Variants in ARID5B observed in about 807,000 individuals in gnomAD.
ARID5B encodes the protein AT-rich interaction domain 5B.
A neutral mutation model predicts 97.2 loss-of-function variants in ARID5B; 13 were observed. That is an observed-to-expected ratio of 0.13 (90% CI 0.09 to 0.21). The LOEUF is 0.21. ARID5B is among the 10% of genes least tolerant of loss of function. The pLI is 1.00. For missense variants in ARID5B, 1,210 were observed against 1,465.3 expected (o/e 0.83, Z 2.84); for synonymous variants, 556 against 570.3 (o/e 0.97, Z 0.36).
At chr10:61,940,547 G>A in intron 3 of ARID5B, 139 bp downstream of exon 3, 4 of 764,194 alleles carry the variant, frequency 5.2e-6, no homozygotes, top group Non-Finnish European at 4.1e-6. Context: ...CTAAGAATAT[G>A]GATGGAGAGA....
intron 3 of ARID5B, among the ~76,000 whole-genome samples, chr10:61,975,788 T>C (rs530453846): frequency 4.3e-4 from 65 of 152,242 alleles, no homozygotes; most frequent in Non-Finnish European, 7.8e-4. Flanking sequence ...TTCTGAGCAA[T>C]AGTCTTATTC....
At chr10:61,991,845 C>A (rs1838929690) in intron 3 of ARID5B, among the ~76,000 whole-genome samples, 1 of 152,012 alleles carries the variant, frequency 6.6e-6, no homozygotes, top group African/African-American at 2.4e-5. Flanking sequence ...GCTTAAATAC[C>A]ATGGAGAAAC....
chr10:61,931,134 T>C (rs1294422662), intron 2 of ARID5B, among the ~76,000 whole-genome samples: 5 of 152,180 alleles, frequency 3.3e-5, no homozygotes, highest in African/African-American at 1.2e-4. Flanking sequence ...AGTGACATAA[T>C]ACCATGGCTC....
chr10:62,087,926 G>T (rs1248326637), intron 9 of ARID5B, among the ~76,000 whole-genome samples: 1 of 151,052 alleles, frequency 6.6e-6, no homozygotes, highest in Non-Finnish European at 1.5e-5. Flanking sequence ...GTGCAGTGGT[G>T]CAATCTCGGT....
Position 62,041,849 on chromosome 10 carries a change from A to G in ARID5B, c.734-9039A>G, listed in dbSNP as rs373609851. 5.8e-4 allele frequency among the ~76,000 whole-genome samples: 88 copies of G among 152,330 alleles called. No homozygotes were observed. The South Asian group carries it at 9.9e-3, about 17-fold the overall frequency. The stretch of plus-strand genomic sequence containing the variant: ...AAATGAGTTTAAAAACTGTTCTGAT[A>G]TTTACTGCTCTTACAAGGCTATTCA... On this transcript the variant is annotated intron_variant, in intron 4 of 9. Coordinates refer to ENST00000279873, the MANE Select transcript of ARID5B (RefSeq NM_032199.3).
At chr10:61,938,968 T>A (rs1844353048) in intron 2 of ARID5B, among the ~76,000 whole-genome samples, 1 of 114,438 alleles carries the variant, frequency 8.7e-6, no homozygotes, top group Non-Finnish European at 1.8e-5. Flanking sequence ...TGGAGAAGTG[T>A]GTGTGTGTGT....
chr10:62,049,654 C>T (rs1009386246), intron 4 of ARID5B, among the ~76,000 whole-genome samples: 2 of 152,074 alleles, frequency 1.3e-5, no homozygotes, highest in Non-Finnish European at 2.9e-5. Flanking sequence ...TAAACTTTTG[C>T]CTCTCTGATT....
rs752180809 is a variant in ARID5B, at chr10:61,945,090, T to C, written c.502+4682T>C. Among the ~76,000 whole-genome samples, 39 of 152,288 alleles carry C rather than the reference T, an allele frequency of 2.6e-4. No individual in the cohort carries two copies. In the Middle Eastern group the frequency reaches 0.01, roughly 40 times the overall value. ...GGGGTTAAAAGAGCAGAGGGTGGGC[T>C]GTCAGGAGAATCTTGGCTCTACATG... On this transcript the variant is annotated intron_variant, in intron 3 of 9. Coordinates refer to ENST00000279873, the MANE Select transcript of ARID5B (RefSeq NM_032199.3).
chr10:62,056,812 A>G lies in ARID5B; in HGVS notation c.847-305A>G, dbSNP rs11816220. On this transcript the variant is annotated intron_variant, in intron 5 of 9. Transcript: ENST00000279873. ...AATAAAGTTTTATTGGAACACAGCC[A>G]CACCCATTTGTTAACATATTGCTGA... is the stretch of plus-strand genomic sequence containing the variant. Among the ~76,000 whole-genome samples the G allele has an allele frequency of 8.2e-3, 1,247 of 152,306 alleles. 13 individuals carry two copies. The highest frequency in any genetic ancestry group is 0.037 in the Middle Eastern group (11 of 294).
Position 62,092,895 on chromosome 10 carries a change from G to A in ARID5B, c.3432G>A (p.Leu1144=). 3 of 1,614,150 alleles carry A rather than the reference G, an allele frequency of 1.9e-6. No individual in the cohort carries two copies. The highest frequency in any genetic ancestry group is 1.6e-4 in the Middle Eastern group (1 of 6,062). Reference sequence around the variant, plus strand: ...ATTCTCAGCAGCTGTACAGACACTTGGCTGCGGCTACACCTGTAGGAAGTT... The same window carrying A: ...ATTCTCAGCAGCTGTACAGACACTTAGCTGCGGCTACACCTGTAGGAAGTT... ...PTNSQQLYRH[L]AAATPVGSSY... Residue 1144 remains leucine (L), a synonymous_variant, in exon 10 of 10, where the codon TTG becomes TTA. Transcript: ENST00000279873.
intron 3 of ARID5B, among the ~76,000 whole-genome samples, chr10:61,950,297 T>C (rs1173554119): frequency 1.3e-5 from 2 of 152,196 alleles, no homozygotes; most frequent in Admixed American, 1.3e-4. Context: ...TGAGCCACCA[T>C]GCCTGGCCCG....
intron 3 of ARID5B, among the ~76,000 whole-genome samples, chr10:61,989,707 A>G (rs1169723420): frequency 6.6e-6 from 1 of 152,216 alleles, no homozygotes. Context: ...CTACACTTTA[A>G]TGGATCAGCA....
rs76761140 is a variant in ARID5B at position 62,030,626 on chromosome 10, T to C, written c.734-20262T>C. ...ATTTTTGGTGAATCATCTTACTCCT[T>C]AACAGAAGCCAGCAACCCGTAGTGG... is the stretch of plus-strand genomic sequence containing the variant. On this transcript the variant is annotated intron_variant, in intron 4 of 9. Coordinates refer to ENST00000279873, the MANE Select transcript of ARID5B (RefSeq NM_032199.3). 8.3e-3 allele frequency among the ~76,000 whole-genome samples: 1,266 copies of C among 152,308 alleles called. 7 individuals are homozygous for C. The highest frequency in any genetic ancestry group is 0.014 in the Middle Eastern group (4 of 294).
intron 8 of ARID5B, among the ~76,000 whole-genome samples, chr10:62,071,509 A>T (rs1276870102): frequency 6.6e-6 from 1 of 152,040 alleles, no homozygotes; most frequent in Non-Finnish European, 1.5e-5. Flanking sequence ...TCATCTAGTT[A>T]AAGAATGAAA....
intron 3 of ARID5B, among the ~76,000 whole-genome samples, chr10:61,945,082 G>C (rs1313267485): frequency 6.6e-6 from 1 of 152,136 alleles, no homozygotes; most frequent in Non-Finnish European, 1.5e-5. Context: ...AAAGAGCAGA[G>C]GGTGGGCTGT....
chr10:62,026,811 G>A (rs1839426886), intron 4 of ARID5B, among the ~76,000 whole-genome samples: 1 of 152,092 alleles, frequency 6.6e-6, no homozygotes, highest in Non-Finnish European at 1.5e-5. Context: ...TCCTTTTAAA[G>A]ACCCAAAGAT....
At chr10:61,928,706 A>G (rs1166803287) in intron 2 of ARID5B, among the ~76,000 whole-genome samples, 2 of 152,166 alleles carry the variant, frequency 1.3e-5, no homozygotes, top group East Asian at 1.9e-4. Context: ...GCTTGACTGC[A>G]TTGTCCCCAT....
chr10:62,071,086 A>G (rs1840057990), intron 8 of ARID5B, among the ~76,000 whole-genome samples: 1 of 136,758 alleles, frequency 7.3e-6, no homozygotes, highest in Admixed American at 8.3e-5. Context: ...ACCAGGCTAC[A>G]GTGCAGTGGC....
intron 3 of ARID5B, among the ~76,000 whole-genome samples, chr10:61,953,665 T>G (rs1228644569): frequency 6.6e-6 from 1 of 152,232 alleles, no homozygotes; most frequent in Non-Finnish European, 1.5e-5. Context: ...CCTTGCTCCA[T>G]AAACTGTATG....
Sources: allele counts gnomAD v4.1 joint callset (sites outside exome capture counted in the v4.1 genomes callset), GRCh38; gene constraint gnomAD v4.1.1; transcripts MANE v1.5; gene names NCBI Gene and HGNC (gene_info 2026-07-23, HGNC 2026-07-21).